SPINK5: variants seen among roughly 807,000 people sequenced by gnomAD.
The protein encoded by SPINK5 is serine protease inhibitor Kazal-type 5.
In SPINK5, 125 loss-of-function variants were observed where a neutral mutation model predicts 151.8. That is an observed-to-expected ratio of 0.82 (90% CI 0.71 to 0.96). The LOEUF (loss-of-function observed/expected upper bound fraction) is 0.96, where lower values mean the gene tolerates loss of function less well. Among genes scored for constraint, SPINK5 ranks in the 40% least tolerant of loss-of-function variants. SPINK5 has a pLI of 0.00. For synonymous variants in SPINK5, 374 were observed against 395.3 expected, an observed-to-expected ratio of 0.95 and a Z score of 0.64; for missense variants, 1,194 against 1,291.9, an observed-to-expected ratio of 0.92 and a Z score of 1.16.
chr5:148,091,598 G>A (rs1056566963), intron 8 of SPINK5, among the ~76,000 whole-genome samples: 1 of 151,666 alleles, frequency 6.6e-6, no homozygotes, highest in African/African-American at 2.4e-5. Flanking sequence ...AATTGGCAAT[G>A]AAATATAAAT....
At chr5:148,075,374 CTTAATA>C (rs148731486) in intron 4 of SPINK5, among the ~76,000 whole-genome samples, 2,866 of 150,924 alleles carry the variant, frequency 0.019, 104 homozygotes, top group African/African-American at 0.065. Flanking sequence ...GGATATATTT[CTTAATA>C]TTAAACTATT....
chr5:148,113,193 G>A (rs945089352), intron 20 of SPINK5, among the ~76,000 whole-genome samples: 10 of 152,134 alleles, frequency 6.6e-5, no homozygotes, highest in African/African-American at 2.4e-4. Context: ...ATATGGGCAT[G>A]GCTGACTCCA....
Position 148,114,095 on chromosome 5 carries a change from C to T in SPINK5, c.1888-267C>T, listed in dbSNP as rs565333519. On this transcript the variant is annotated intron_variant, in intron 20 of 32. Transcript: ENST00000256084. Reference sequence around the variant, plus strand: ...CACGTAACCCTAAACAAGGAGTGTGCCCAGTCATCAGAGAACTAAGTTTAT... The same window carrying T: ...CACGTAACCCTAAACAAGGAGTGTGTCCAGTCATCAGAGAACTAAGTTTAT... Among the ~76,000 whole-genome samples the T allele has an allele frequency of 1.9e-4, 29 of 152,202 alleles. No individual in the cohort carries two copies. In the South Asian group the frequency reaches 5.6e-3, roughly 29 times the overall value.
intron 7 of SPINK5, among the ~76,000 whole-genome samples, chr5:148,090,242 C>T (rs1753273852): frequency 6.6e-6 from 1 of 151,806 alleles, no homozygotes; most frequent in Admixed American, 6.6e-5. Flanking sequence ...TGCCAGCAAA[C>T]CTTAAATTGC....
chr5:148,076,218 A>G (rs78048296), intron 4 of SPINK5, among the ~76,000 whole-genome samples: 2,684 of 151,834 alleles, frequency 0.018, 90 homozygotes, highest in African/African-American at 0.061. Flanking sequence ...TTTGAACACA[A>G]ACTGTGTTAA....
Position 148,124,777 on chromosome 5 carries a change from T to C in SPINK5, c.2679T>C (p.Ala893=). ...AATTATTCTGCAGTGATCGAGAAGC[T>C]AATGAAAGAAAAAAGAAAGATGAAG... The part of the protein sequence containing the change: ...AMCQSIFDRE[A]NERKKKDEEK... Residue 893 remains alanine, a synonymous_variant, in exon 28 of 33, where the codon GCT becomes GCC. Coordinates refer to ENST00000256084, the MANE Select transcript of SPINK5 (RefSeq NM_006846.4). 6.2e-7 allele frequency: 1 copy of C among 1,604,346 alleles called. No homozygotes were observed. The highest frequency in any genetic ancestry group is 1.1e-5 in the South Asian group (1 of 89,426).
At chr5:148,096,722 C>T (rs11955913) in intron 10 of SPINK5, among the ~76,000 whole-genome samples, 82,927 of 147,828 alleles carry the variant, frequency 0.56, 24,109 homozygotes, top group East Asian at 0.79. Context: ...TTCTTTCTTT[C>T]TTTTTTTCTT....
At chr5:148,105,471 T>C (rs771380455) in intron 16 of SPINK5, among the ~76,000 whole-genome samples, 7 of 152,232 alleles carry the variant, frequency 4.6e-5, no homozygotes, top group Admixed American at 3.3e-4. Flanking sequence ...ATTAAGATTA[T>C]TAAGTTGGGC....
rs34393923 is a variant in SPINK5 at position 148,101,800 on chromosome 5, G to A, written c.1322G>A (p.Arg441His). The change falls in exon 15 of 33, where the codon CGC becomes CAC. Residue 441 changes from arginine (R) to histidine (H), a missense_variant. By Grantham distance (29) the Arg-to-His change is conservative (BLOSUM62 0). Transcript: ENST00000256084. ...ASFEELCSEY[R>H]KSRKNGRLFC... Reference sequence around the variant, plus strand: ...TCACAGGAGTTGTGTAGTGAATACCGCAAATCCAGGAAAAACGGACGGCTT... The same window carrying A: ...TCACAGGAGTTGTGTAGTGAATACCACAAATCCAGGAAAAACGGACGGCTT... 2,136 of 1,613,620 alleles carry A rather than the reference G, an allele frequency of 1.3e-3. 30 individuals carry two copies. The African/African-American group carries it at 0.024, about 18-fold the overall frequency.
At chr5:148,135,501 T>C (rs1176367550) in intron 32 of SPINK5, among the ~76,000 whole-genome samples, 1 of 152,214 alleles carries the variant, frequency 6.6e-6, no homozygotes, top group African/African-American at 2.4e-5. Flanking sequence ...AGTGCCGTTC[T>C]TCCATTTCTG....
intron 18 of SPINK5, among the ~76,000 whole-genome samples, chr5:148,111,530 A>G (rs550411797): frequency 2.0e-5 from 3 of 152,304 alleles, no homozygotes; most frequent in African/African-American, 7.2e-5. Flanking sequence ...TGTATCTTTC[A>G]CAGTGCCTAG....
At position 148,131,472 on chromosome 5, in the gene SPINK5, A is replaced by G. The variant is rs1168088839; in HGVS notation, c.3095+83A>G. The G allele has an allele frequency of 1.5e-5, 24 of 1,580,044 alleles. No homozygotes were observed. The East Asian group carries it at 5.4e-4, about 35-fold the overall frequency. On this transcript the variant is annotated intron_variant, in intron 31 of 32. Coordinates refer to ENST00000256084, the MANE Select transcript of SPINK5 (RefSeq NM_006846.4). ...TTAACCCATAGTAATGCACTGATAT[A>G]AATTCGAAATGTGTTGCAAGTAATT...
intron 16 of SPINK5, among the ~76,000 whole-genome samples, chr5:148,105,933 T>C (rs1170093270): frequency 6.6e-6 from 1 of 151,996 alleles, no homozygotes; most frequent in East Asian, 1.9e-4. Context: ...CTGTTTATTC[T>C]ATTTCTTAAC....
intron 32 of SPINK5, among the ~76,000 whole-genome samples, chr5:148,135,489 A>G (rs6873836): frequency 0.56 from 85,404 of 152,074 alleles, 24,701 homozygotes; most frequent in Admixed American, 0.65. Context: ...GTGTTGTAAA[A>G]GAGTGCCGTT....
intron 18 of SPINK5, among the ~76,000 whole-genome samples, chr5:148,110,099 A>G (rs1345620267): frequency 6.6e-6 from 1 of 152,160 alleles, no homozygotes; most frequent in Non-Finnish European, 1.5e-5. Context: ...CCCTACCAGT[A>G]AGGTCCTACA....
At chr5:148,110,330 A>G (rs892869159) in intron 18 of SPINK5, among the ~76,000 whole-genome samples, 3 of 152,110 alleles carry the variant, frequency 2.0e-5, no homozygotes, top group Non-Finnish European at 1.5e-5. Flanking sequence ...GAGTTCACCA[A>G]TTCTTCAACA....
chr5:148,116,264 G>A (rs1754086643), intron 21 of SPINK5, 106 bp from the exon 22 acceptor site: 21 of 1,159,820 alleles, frequency 1.8e-5, no homozygotes, highest in East Asian at 4.9e-5. Flanking sequence ...CTCAATGCTC[G>A]ATAATTCTGT....
chr5:148,092,102 A>C (rs1218893798), intron 8 of SPINK5, among the ~76,000 whole-genome samples: 1 of 151,854 alleles, frequency 6.6e-6, no homozygotes, highest in African/African-American at 2.4e-5. Context: ...AATGACCTGA[A>C]TTTTACCTTC....
chr5:148,080,511 GGAA>G (rs1332283197), intron 4 of SPINK5, among the ~76,000 whole-genome samples: 7 of 151,192 alleles, frequency 4.6e-5, no homozygotes, highest in African/African-American at 1.7e-4. Flanking sequence ...AAAGATCAGG[GGAA>G]TAGAATAGGG....
Sources: allele counts gnomAD v4.1 joint callset (sites outside exome capture counted in the v4.1 genomes callset), GRCh38; gene constraint gnomAD v4.1.1; transcripts MANE v1.5; gene names NCBI Gene and HGNC (gene_info 2026-07-23, HGNC 2026-07-21).